Variants in GRM1 observed in about 807,000 individuals in gnomAD.
GRM1 encodes the protein glutamate metabotropic receptor 1.
Under a neutral mutation model 90.9 loss-of-function variants are expected in GRM1, and 33 were observed. The observed-to-expected ratio is 0.36, with a 90% CI of 0.28 to 0.49. The LOEUF is 0.49. GRM1 is among the 20% of genes least tolerant of loss of function. GRM1 has a pLI of 0.99. For synonymous variants in GRM1, 700 were observed against 613.2 expected (o/e 1.14, Z -2.09); for missense variants, 1,190 against 1,534.3 (o/e 0.78, Z 3.75).
intron 1 of GRM1, among the ~76,000 whole-genome samples, chr6:146,054,848 A>G (rs1362559341): frequency 6.6e-6 from 1 of 151,990 alleles, no homozygotes; most frequent in Non-Finnish European, 1.5e-5. Flanking sequence ...GATTTTAAGG[A>G]GAGGGAAGTC....
chr6:146,039,186 A>T (rs1157868895), intron 1 of GRM1, among the ~76,000 whole-genome samples: 1 of 152,010 alleles, frequency 6.6e-6, no homozygotes, highest in Non-Finnish European at 1.5e-5. Flanking sequence ...CCATAGGAGT[A>T]GGCATGAGGT....
At chr6:146,375,804 A>T (rs980789562) in intron 5 of GRM1, among the ~76,000 whole-genome samples, 16 of 152,040 alleles carry the variant, frequency 1.1e-4, no homozygotes, top group Non-Finnish European at 2.2e-4. Flanking sequence ...TGTTTTTTGT[A>T]GGCAGCAGCT....
intron 1 of GRM1, among the ~76,000 whole-genome samples, chr6:146,131,728 G>A (rs1776404895): frequency 6.6e-6 from 1 of 152,130 alleles, no homozygotes; most frequent in Non-Finnish European, 1.5e-5. Flanking sequence ...CTGGACAAAG[G>A]TGATACAGAC....
At chr6:146,333,429 G>C (rs1444112664) in intron 3 of GRM1, among the ~76,000 whole-genome samples, 5 of 152,012 alleles carry the variant, frequency 3.3e-5, no homozygotes, top group African/African-American at 9.7e-5. Context: ...CATTATTACT[G>C]TAAGATTGTA....
intron 1 of GRM1, among the ~76,000 whole-genome samples, chr6:146,120,958 A>T (rs549180062): frequency 6.6e-6 from 1 of 152,264 alleles, no homozygotes; most frequent in South Asian, 2.1e-4. Flanking sequence ...TCATAAAATG[A>T]GTTAGGGAGG....
chr6:146,194,491 C>T (rs184004906), intron 2 of GRM1, among the ~76,000 whole-genome samples: 36 of 152,288 alleles, frequency 2.4e-4, no homozygotes, highest in East Asian at 1.9e-4. Flanking sequence ...ACTTTTGCAA[C>T]GTTCCATTTT....
At position 146,415,026 on chromosome 6, in the gene GRM1, T is replaced by C. The variant is rs146123821; in HGVS notation, c.2660+15327T>C. On this transcript the variant is annotated intron_variant, in intron 7 of 7. Coordinates refer to ENST00000282753, the MANE Select transcript of GRM1 (RefSeq NM_001278064.2). ...TTACTGTACTACATCTTGTAATACA[T>C]AAGCAACATGTCTTAGTTTGTGTGG... Among the ~76,000 whole-genome samples, 17 of 152,326 alleles carry C rather than the reference T, an allele frequency of 1.1e-4. No homozygotes were observed. In the South Asian group the frequency reaches 3.1e-3, roughly 28 times the overall value.
chr6:146,317,755 G>A (rs1298383954), intron 3 of GRM1, among the ~76,000 whole-genome samples: 1 of 152,154 alleles, frequency 6.6e-6, no homozygotes. Context: ...CATAGCCAAT[G>A]TGAACTTAGT....
At chr6:146,106,630 G>C (rs1013330645) in intron 1 of GRM1, among the ~76,000 whole-genome samples, 2 of 152,132 alleles carry the variant, frequency 1.3e-5, no homozygotes, top group African/African-American at 4.8e-5. Flanking sequence ...CTTAAAACAA[G>C]AAATTTGTAT....
intron 2 of GRM1, among the ~76,000 whole-genome samples, chr6:146,177,883 T>A (rs1184462892): frequency 6.6e-6 from 1 of 152,134 alleles, no homozygotes; most frequent in African/African-American, 2.4e-5. Flanking sequence ...GTGTATTAAT[T>A]TGATAAATTT....
At chr6:146,424,166 G>C (rs535501507) in intron 7 of GRM1, among the ~76,000 whole-genome samples, 1 of 152,222 alleles carries the variant, frequency 6.6e-6, no homozygotes, top group Non-Finnish European at 1.5e-5. Context: ...ACAGTGCAGA[G>C]ACACCTAAGG....
intron 3 of GRM1, among the ~76,000 whole-genome samples, chr6:146,322,574 C>CTTTTATTTTATTTTATTTTATTTTA (rs59946587): frequency 0.014 from 2,056 of 144,870 alleles, 63 homozygotes; most frequent in African/African-American, 0.049. Flanking sequence ...TGCTGCCTTT[C>CTTTTATTTTATTTTATTTTATTTTA]TTTTATTTTA....
At chr6:146,284,559 A>C (rs949875067) in intron 2 of GRM1, among the ~76,000 whole-genome samples, 9 of 152,068 alleles carry the variant, frequency 5.9e-5, no homozygotes, top group Non-Finnish European at 1.0e-4. Context: ...TGTAATCCCC[A>C]TGTGTTGAGG....
intron 2 of GRM1, among the ~76,000 whole-genome samples, chr6:146,218,876 A>G (rs1779961741): frequency 6.6e-6 from 1 of 152,190 alleles, no homozygotes. Flanking sequence ...TTGTGGAAAT[A>G]ATATGATAAA....
intron 6 of GRM1, among the ~76,000 whole-genome samples, chr6:146,397,636 C>T (rs1014562974): frequency 8.6e-5 from 13 of 151,916 alleles, no homozygotes; most frequent in Non-Finnish European, 1.5e-4. Context: ...GATTGAAAAC[C>T]TTGCAGCTTC....
At chr6:146,126,845 C>A (rs1009337029) in intron 1 of GRM1, among the ~76,000 whole-genome samples, 1 of 152,178 alleles carries the variant, frequency 6.6e-6, no homozygotes, top group African/African-American at 2.4e-5. Context: ...AATGCAATAA[C>A]CCTTCTTATG....
chr6:146,429,127 C>G (rs1258611053), intron 7 of GRM1, among the ~76,000 whole-genome samples: 1 of 152,040 alleles, frequency 6.6e-6, no homozygotes, highest in Non-Finnish European at 1.5e-5. Context: ...TTGTGATATT[C>G]TCTAATTTTA....
intron 1 of GRM1, among the ~76,000 whole-genome samples, chr6:146,094,826 T>C (rs890265289): frequency 1.3e-5 from 2 of 152,086 alleles, no homozygotes; most frequent in Non-Finnish European, 2.9e-5. Context: ...AATCATGCAC[T>C]AGTTTAAAGA....
chr6:146,362,904 T>C (rs1027578874), intron 5 of GRM1, among the ~76,000 whole-genome samples: 1 of 152,088 alleles, frequency 6.6e-6, no homozygotes, highest in Non-Finnish European at 1.5e-5. Context: ...GGGAACATGA[T>C]CATTCTCATT....
Sources: allele counts gnomAD v4.1 joint callset (sites outside exome capture counted in the v4.1 genomes callset), GRCh38; gene constraint gnomAD v4.1.1; transcripts MANE v1.5; gene names NCBI Gene and HGNC (gene_info 2026-07-23, HGNC 2026-07-21).